ST3GAL3: variants seen among roughly 807,000 people sequenced by gnomAD.
ST3GAL3 encodes ST3 beta-galactoside alpha-2,3-sialyltransferase 3.
ST3GAL3 carries 21 observed loss-of-function variants against 50.1 expected under a neutral mutation model. The ratio of observed to expected loss-of-function variants is 0.42; its 90% CI spans 0.30 to 0.60. The LOEUF (loss-of-function observed/expected upper bound fraction) is 0.60, where lower values mean the gene tolerates loss of function less well. Ranked by LOEUF, ST3GAL3 falls within the 20% of genes least tolerant of loss-of-function variation. The pLI, the probability that ST3GAL3 is intolerant of heterozygous loss-of-function variation, is 0.19. For missense variants in ST3GAL3, 353 were observed against 489.4 expected, an observed-to-expected ratio of 0.72 and a Z score of 2.63; for synonymous variants, 183 against 190.0, an observed-to-expected ratio of 0.96 and a Z score of 0.30.
intron 5 of ST3GAL3, among the ~76,000 whole-genome samples, chr1:43,882,939 TTTTATTTA>T (rs899079997): frequency 3.9e-4 from 45 of 114,728 alleles, no homozygotes; most frequent in African/African-American, 1.2e-3. Context: ...GTGCCCATTC[TTTTATTTA>T]TTTATTTATT....
chr1:43,917,582 G>GTA (rs2082159775), intron 9 of ST3GAL3, among the ~76,000 whole-genome samples: 1 of 53,258 alleles, frequency 1.9e-5, no homozygotes, highest in Non-Finnish European at 3.4e-5. Context: ...AATATATTAC[G>GTA]TATTATATAT....
At chr1:43,805,142 A>G (rs1261385345) in intron 3 of ST3GAL3, among the ~76,000 whole-genome samples, 3 of 152,192 alleles carry the variant, frequency 2.0e-5, no homozygotes, top group Non-Finnish European at 4.4e-5. Flanking sequence ...CCAGAAGGAC[A>G]TGGGTACCCA....
intron 9 of ST3GAL3, among the ~76,000 whole-genome samples, chr1:43,908,258 A>G (rs2080155744): frequency 6.6e-6 from 1 of 152,132 alleles, no homozygotes; most frequent in East Asian, 1.9e-4. Flanking sequence ...CCCTGCCTCC[A>G]GTCAGGTCTC....
At position 43,736,383 on chromosome 1, in the gene ST3GAL3, A is replaced by G; in HGVS notation, c.118+3A>G. The stretch of plus-strand genomic sequence containing the variant: ...ACTCCAGTGGGAGGAGGACTCCAGT[A>G]AGTATAGTCACTCTAGCTCACCCCA... On this transcript the variant is annotated splice_donor_region_variant and intron_variant, in intron 2 of 11. Transcript: ENST00000347631. 1.9e-6 allele frequency: 3 copies of G among 1,614,156 alleles called. No individual in the cohort carries two copies. The highest frequency in any genetic ancestry group is 1.7e-5 in the Admixed American group (1 of 60,020).
At chr1:43,882,098 C>T (rs2154257321) in intron 5 of ST3GAL3, among the ~76,000 whole-genome samples, 1 of 152,342 alleles carries the variant, frequency 6.6e-6, no homozygotes, top group Admixed American at 6.5e-5. Context: ...GGTCACTGTG[C>T]ACAAAGAACA....
At chr1:43,778,644 CTTTTTTT>C (rs35726867) in intron 2 of ST3GAL3, among the ~76,000 whole-genome samples, 15 of 118,704 alleles carry the variant, frequency 1.3e-4, no homozygotes, top group Admixed American at 2.8e-4. Flanking sequence ...TTCTTTTTTT[CTTTTTTT>C]TTTTTTTTTT....
rs1005904259 is a variant in ST3GAL3 at position 43,930,150 on chromosome 1, C to G, written c.1057C>G (p.Gln353Glu). The change falls in exon 12 of 12, where the codon CAG becomes GAG. Residue 353 changes from glutamine to glutamate, a missense_variant. Physicochemically the swap from Gln to Glu is conservative, Grantham distance 29. Coordinates refer to ENST00000347631, the MANE Select transcript of ST3GAL3 (RefSeq NM_006279.5). Reference protein sequence around the residue: ...AIKESWTHNIQREKEFLRKLV... With the variant: ...AIKESWTHNIEREKEFLRKLV... ...CTTTCAGTCCTGGACGCACAATATCCAGCGAGAGAAAGAGTTTCTGCGGAA... is the reference window on the plus strand; with the variant it reads ...CTTTCAGTCCTGGACGCACAATATCGAGCGAGAGAAAGAGTTTCTGCGGAA... 7 of 1,614,086 alleles carry G rather than the reference C, an allele frequency of 4.3e-6. No homozygotes were observed. The highest frequency in any genetic ancestry group is 5.9e-6 in the Non-Finnish European group (7 of 1,180,048).
At chr1:43,817,713 TCTC>T (rs1204108357) in intron 4 of ST3GAL3, among the ~76,000 whole-genome samples, 8 of 133,234 alleles carry the variant, frequency 6.0e-5, no homozygotes, top group African/African-American at 2.3e-4. Context: ...TCCTTCTCCT[TCTC>T]CTCCTTCTCC....
chr1:43,881,748 G>A (rs1287731289), intron 5 of ST3GAL3, among the ~76,000 whole-genome samples: 7 of 152,098 alleles, frequency 4.6e-5, no homozygotes, highest in Non-Finnish European at 8.8e-5. Flanking sequence ...CAGTTCCTAG[G>A]CAGGCGGGGT....
At chr1:43,755,575 C>T (rs1687724430) in intron 2 of ST3GAL3, among the ~76,000 whole-genome samples, 1 of 152,028 alleles carries the variant, frequency 6.6e-6, no homozygotes, top group African/African-American at 2.4e-5. Context: ...TATTTCCTTC[C>T]TGGGGTGGGG....
At chr1:43,842,301 T>G (rs1398795256) in intron 5 of ST3GAL3, 1 of 152,154 alleles carries the variant, frequency 6.6e-6, no homozygotes, top group Non-Finnish European at 1.5e-5. Flanking sequence ...TAGATATCTT[T>G]CTAACAATAC....
intron 4 of ST3GAL3, among the ~76,000 whole-genome samples, chr1:43,815,504 A>G (rs891724308): frequency 6.6e-6 from 1 of 152,202 alleles, no homozygotes; most frequent in African/African-American, 2.4e-5. Flanking sequence ...TGCTTCCTTT[A>G]AATTTTCTAC....
chr1:43,879,416 T>G (rs1010576526), intron 5 of ST3GAL3: 9 of 456,070 alleles, frequency 2.0e-5, no homozygotes, highest in African/African-American at 1.8e-4. Flanking sequence ...GAGAATGGAC[T>G]CTGAGAGAAA....
chr1:43,905,215 G>T (rs1571116813), intron 9 of ST3GAL3, among the ~76,000 whole-genome samples: 1 of 46,828 alleles, frequency 2.1e-5, no homozygotes, highest in Non-Finnish European at 4.0e-5. Context: ...CCCTCCTCCT[G>T]TTCCTCTTCC....
intron 5 of ST3GAL3, among the ~76,000 whole-genome samples, chr1:43,880,963 C>T (rs987116466): frequency 6.6e-6 from 1 of 151,526 alleles, no homozygotes; most frequent in Non-Finnish European, 1.5e-5. Flanking sequence ...AACTGCCTCT[C>T]TGTTTGGCTG....
At chr1:43,818,677 CA>C (rs2061708102) in intron 4 of ST3GAL3, among the ~76,000 whole-genome samples, 1 of 151,818 alleles carries the variant, frequency 6.6e-6, no homozygotes, top group South Asian at 2.1e-4. Context: ...ATTTATAAAG[CA>C]ATTAAATATA....
At chr1:43,817,369 C>CTTCTTCT in intron 4 of ST3GAL3, among the ~76,000 whole-genome samples, 2 of 84,766 alleles carry the variant, frequency 2.4e-5, no homozygotes, top group East Asian at 5.0e-4. Context: ...CTTCCTTCTT[C>CTTCTTCT]TCCTTCTTCT....
intron 5 of ST3GAL3, chr1:43,851,617 C>G: frequency 3.8e-6 from 5 of 1,302,454 alleles, no homozygotes; most frequent in Non-Finnish European, 5.6e-6. Flanking sequence ...TGCCGGTACT[C>G]TCCTTAATGA....
rs770044610 is a variant in ST3GAL3 at position 43,930,800 on chromosome 1, AGGC to A, written c.*582_*584del. The A allele has an allele frequency of 1.0e-5, 2 of 191,574 alleles. No homozygotes were observed. The highest frequency in any genetic ancestry group is 2.2e-5 in the Non-Finnish European group (2 of 90,808). 11.9% of individuals were successfully genotyped at this position (191,574 alleles called of 1,614,324 possible). A position where few individuals can be genotyped will look rare whatever the true frequency, so the allele number is the denominator to read the frequency against. On this transcript the variant is annotated 3_prime_UTR_variant, in exon 12 of 12. Transcript: ENST00000347631. ...CACTGTTTGGCCTTTCTTGGGGAGA[AGGC>A]GGGGTATTCCCACTCACCAGCCCTA...
Sources: gnomAD v4.1 joint callset for allele counts (sites outside exome capture counted in the v4.1 genomes callset) on GRCh38, gnomAD v4.1.1 for gene constraint, MANE v1.5 for transcripts, NCBI Gene and HGNC (gene_info 2026-07-23, HGNC 2026-07-21) for gene names.